Variants in EVC observed in about 807,000 individuals in gnomAD.
EVC encodes EvC ciliary complex subunit 1, also known as evC complex member EVC.
A neutral mutation model predicts 118.9 loss-of-function variants in EVC; 116 were observed. That is an observed-to-expected ratio of 0.98 (90% confidence interval 0.84 to 1.14). EVC has a LOEUF of 1.14. Among genes scored for constraint, EVC ranks in the 50% most tolerant of loss-of-function variants. The probability of loss-of-function intolerance (pLI) is 0.00; values close to 1 mark genes in which losing one functional copy is unlikely to be tolerated. For missense variants in EVC, 1,401 were observed against 1,246.4 expected, an observed-to-expected ratio of 1.12 and a Z score of -1.87; for synonymous variants, 619 against 534.7, an observed-to-expected ratio of 1.16 and a Z score of -2.18.
In EVC at chr4:5,719,012, G is replaced by T. The variant is rs79190209; in HGVS notation, c.175-236G>T. Among the ~76,000 whole-genome samples, 4,459 of 152,250 alleles carry T rather than the reference G, an allele frequency of 0.029. 215 individuals are homozygous for T. The highest frequency in any genetic ancestry group is 0.1 in the African/African-American group (4,201 of 41,516). Reference sequence around the variant, plus strand: ...GTGCACTGAAATGGGGCATCCTGGAGGCCTTAGGGGAACCGCTCAGGAAGG... The same window carrying T: ...GTGCACTGAAATGGGGCATCCTGGATGCCTTAGGGGAACCGCTCAGGAAGG... On this transcript the variant is annotated intron_variant, in intron 1 of 20. Coordinates refer to ENST00000264956, the MANE Select transcript of EVC (RefSeq NM_153717.3). The surrounding 1 kb of genome is among the most constrained non-coding windows in gnomAD (Gnocchi z 4.7).
chr4:5,822,125 G>A, the EVC span, among the ~76,000 whole-genome samples: 1 of 152,234 alleles, frequency 6.6e-6, no homozygotes, highest in Non-Finnish European at 1.5e-5. Flanking sequence ...TCCTGAGACA[G>A]GTGATCAAAC....
chr4:5,820,246 T>C, the EVC span, among the ~76,000 whole-genome samples: 3 of 152,172 alleles, frequency 2.0e-5, no homozygotes, highest in Non-Finnish European at 2.9e-5. Flanking sequence ...AGCAACTTCA[T>C]CACTATCACC....
chr4:5,753,783 A>G lies in EVC; in HGVS notation c.1316-2A>G. On this transcript the variant is annotated splice_acceptor_variant, in intron 9 of 20. Transcript: ENST00000264956. LOFTEE classifies it high-confidence loss of function. ...CTATGCTGTGGCTTTTTTCAATCCC[A>G]GAGTTTGTCCAGCGAGGCAAAGACC... 6.2e-7 allele frequency: 1 copy of G among 1,614,112 alleles called. No individual in the cohort carries two copies. The highest frequency in any genetic ancestry group is 8.5e-7 in the Non-Finnish European group (1 of 1,179,996).
chr4:5,730,374 G>A (rs990593983), intron 3 of EVC, among the ~76,000 whole-genome samples: 2 of 151,914 alleles, frequency 1.3e-5, no homozygotes, highest in Non-Finnish European at 2.9e-5. Flanking sequence ...AAGCTTTACC[G>A]AACTAATTTT....
In EVC at chr4:5,742,315, A is replaced by G. The variant is rs369775797; in HGVS notation, c.801+501A>G. Among the ~76,000 whole-genome samples the G allele has an allele frequency of 6.6e-6, 1 of 152,188 alleles. No individual in the cohort carries two copies. The highest frequency in any genetic ancestry group is 2.4e-5 in the African/African-American group (1 of 41,452). ...GATAATTCCTGTTCTGCGAGAGTGC[A>G]GAAAGGATAAGAGAGATGTGTATGA... On this transcript the variant is annotated intron_variant, in intron 6 of 20. Coordinates refer to ENST00000264956, the MANE Select transcript of EVC (RefSeq NM_153717.3). This position sits in a 1 kb window ranked among gnomAD's most constrained non-coding sequence, Gnocchi z 5.2.
chr4:5,822,822 C>G, the EVC span, among the ~76,000 whole-genome samples: 4 of 152,192 alleles, frequency 2.6e-5, no homozygotes, highest in African/African-American at 9.7e-5. Flanking sequence ...AGATCCTCAG[C>G]TAACAGAAAA....
chr4:5,744,054 A>G lies in EVC; in HGVS notation c.802-1150A>G, dbSNP rs141627672. On this transcript the variant is annotated intron_variant, in intron 6 of 20. Coordinates refer to ENST00000264956, the MANE Select transcript of EVC (RefSeq NM_153717.3). ...CTTAAGCAAGCATGTTAATTATAAT[A>G]GTGGCTACTATTTGTTGAGATAGGC... Among the ~76,000 whole-genome samples, 868 of 152,348 alleles carry G rather than the reference A, an allele frequency of 5.7e-3. 7 individuals carry two copies. The highest frequency in any genetic ancestry group is 0.02 in the African/African-American group (819 of 41,590).
At chr4:5,827,753 A>ACACACG in the EVC span, among the ~76,000 whole-genome samples, 1 of 152,108 alleles carries the variant, frequency 6.6e-6, no homozygotes, top group African/African-American at 2.4e-5. Flanking sequence ...ACACACACAC[A>ACACACG]CGAAGCTGGC....
the EVC span, chr4:5,821,832 G>A: frequency 1.2e-6 from 2 of 1,608,836 alleles, no homozygotes; most frequent in African/African-American, 1.3e-5. The surrounding 1 kb of genome is among the most constrained non-coding windows in gnomAD (Gnocchi z 4.4). Flanking sequence ...GCCTGGGATT[G>A]TTGTCATCTA....
chr4:5,714,098 C>T (rs1243653912), intron 1 of EVC, among the ~76,000 whole-genome samples: 2 of 152,174 alleles, frequency 1.3e-5, no homozygotes, highest in African/African-American at 2.4e-5. Flanking sequence ...TCCGCCTGCG[C>T]GGTCCTTTCT....
chr4:5,822,970 C>A, the EVC span, among the ~76,000 whole-genome samples: 1 of 152,214 alleles, frequency 6.6e-6, no homozygotes, highest in Non-Finnish European at 1.5e-5. Context: ...TTCTTGCTGA[C>A]CTACCCACTG....
At chr4:5,786,974 A>T (rs1711772421) in intron 12 of EVC, among the ~76,000 whole-genome samples, 3 of 152,224 alleles carry the variant, frequency 2.0e-5, no homozygotes, top group Non-Finnish European at 4.4e-5. Flanking sequence ...CATTCAGATG[A>T]ATATTAGTCA....
chr4:5,759,013 T>C (rs552124808), intron 11 of EVC, among the ~76,000 whole-genome samples: 5 of 152,180 alleles, frequency 3.3e-5, no homozygotes, highest in African/African-American at 1.2e-4. Context: ...TGGGGAGTCT[T>C]ATGTGATTAT....
In EVC at chr4:5,731,350, T is replaced by C; in HGVS notation, c.385-75T>C. 1 of 1,253,288 alleles carries C rather than the reference T, an allele frequency of 8.0e-7. No individual in the cohort carries two copies. Among genetic ancestry groups the C allele is most frequent in the Non-Finnish European group, 1.2e-6 (1 of 851,682 alleles). 77.6% of individuals were successfully genotyped at this position (1,253,288 alleles called of 1,614,324 possible). On this transcript the variant is annotated intron_variant, in intron 3 of 20. Coordinates refer to ENST00000264956, the MANE Select transcript of EVC (RefSeq NM_153717.3). The surrounding 1 kb of genome is among the most constrained non-coding windows in gnomAD (Gnocchi z 5.6). ...CCTGTGAGCGGCTAGCGTGAATCAC[T>C]GGTAGAATTATGAATACTAGATCAA...
chr4:5,824,904 G>C, the EVC span: 6 of 985,286 alleles, frequency 6.1e-6, no homozygotes, highest in Non-Finnish European at 6.0e-6. Context: ...AAGAAAGTCA[G>C]GAGGGATCAG....
chr4:5,746,286 G>A lies in EVC; in HGVS notation c.939+945G>A, dbSNP rs190919342. Among the ~76,000 whole-genome samples the A allele has an allele frequency of 9.2e-5, 14 of 152,358 alleles. No homozygotes were observed. In the East Asian group the frequency reaches 2.7e-3, roughly 29 times the overall value. On this transcript the variant is annotated intron_variant, in intron 7 of 20. Coordinates refer to ENST00000264956, the MANE Select transcript of EVC (RefSeq NM_153717.3). This position sits in a 1 kb window ranked among gnomAD's most constrained non-coding sequence, Gnocchi z 5.8. ...GGCACTGAGTGGAGGGTGGTGAAGA[G>A]CTACTGGGCTAATCCAGCAGGAACT...
intron 11 of EVC, among the ~76,000 whole-genome samples, chr4:5,771,319 T>C (rs1430777087): frequency 6.6e-6 from 1 of 152,114 alleles, no homozygotes; most frequent in Non-Finnish European, 1.5e-5. Context: ...TTCTTCCATC[T>C]TCAGGGCCGG....
At chr4:5,793,542 C>A in intron 12 of EVC, 66 bp from the exon 13 acceptor site, 1 of 1,348,116 alleles carries the variant, frequency 7.4e-7, no homozygotes, top group South Asian at 1.3e-5. Context: ...AATGCACAAT[C>A]CTAGCAAGCA....
chr4:5,794,267 A>ATATT (rs1713378645), intron 13 of EVC, among the ~76,000 whole-genome samples: 127 of 139,408 alleles, frequency 9.1e-4, no homozygotes, highest in Non-Finnish European at 1.6e-3. Flanking sequence ...GTATTTATAT[A>ATATT]TTTATATATA....
Sources: allele counts gnomAD v4.1 joint callset (sites outside exome capture counted in the v4.1 genomes callset), GRCh38; gene constraint gnomAD v4.1.1; non-coding constraint Gnocchi (gnomAD v3.1); transcripts MANE v1.5; gene names NCBI Gene and HGNC (gene_info 2026-07-23, HGNC 2026-07-21).